Variants in DIS3L2 observed in about 807,000 individuals in gnomAD.
DIS3L2 encodes DIS3 like 3'-5' exoribonuclease 2, also known as DIS3-like exonuclease 2.
A neutral mutation model predicts 97.5 loss-of-function variants in DIS3L2; 34 were observed. The ratio of observed to expected loss-of-function variants is 0.35; its 90% CI spans 0.27 to 0.46. The LOEUF (loss-of-function observed/expected upper bound fraction) is 0.46. DIS3L2 is among the 20% of genes least tolerant of loss of function. The probability of loss-of-function intolerance (pLI) is 1.00; values close to 1 mark genes in which losing one functional copy is unlikely to be tolerated. For synonymous variants in DIS3L2, 435 were observed against 445.2 expected (o/e 0.98, Z 0.29); for missense variants, 1,038 against 1,146.0 (o/e 0.91, Z 1.36).
chr2:231,986,662 A>T (rs1273861265), intron 1 of DIS3L2, among the ~76,000 whole-genome samples: 1 of 152,208 alleles, frequency 6.6e-6, no homozygotes, highest in Non-Finnish European at 1.5e-5. Context: ...AGAAGCTTTT[A>T]TTATTATCGC....
intron 1 of DIS3L2, among the ~76,000 whole-genome samples, chr2:231,988,640 G>A (rs183468810): frequency 2.4e-4 from 36 of 152,282 alleles, no homozygotes; most frequent in Non-Finnish European, 4.7e-4. Context: ...TGGATCTTGT[G>A]TGTAGGCAGG....
chr2:232,307,071 A>G (rs1416009535), intron 14 of DIS3L2, among the ~76,000 whole-genome samples: 1 of 152,216 alleles, frequency 6.6e-6, no homozygotes, highest in African/African-American at 2.4e-5. Context: ...GCTGGGTCAG[A>G]TGTGCCTTCC....
At chr2:232,118,340 A>T (rs3116165) in intron 6 of DIS3L2, among the ~76,000 whole-genome samples, 1 of 152,030 alleles carries the variant, frequency 6.6e-6, no homozygotes, top group East Asian at 1.9e-4. Flanking sequence ...ATTGGGGACC[A>T]TAGTAGAGTC....
chr2:232,182,975 C>G (rs1405515399), intron 9 of DIS3L2, among the ~76,000 whole-genome samples: 2 of 152,132 alleles, frequency 1.3e-5, no homozygotes, highest in Non-Finnish European at 2.9e-5. Context: ...TCTGTGTTCC[C>G]TCTAAGTTCG....
At chr2:231,994,238 G>T (rs1203164036) in intron 1 of DIS3L2, among the ~76,000 whole-genome samples, 1 of 151,924 alleles carries the variant, frequency 6.6e-6, no homozygotes, top group Non-Finnish European at 1.5e-5. Flanking sequence ...TGTTCCATTG[G>T]TCTAGGTGGC....
intron 6 of DIS3L2, among the ~76,000 whole-genome samples, chr2:232,116,384 C>T (rs934466873): frequency 4.6e-5 from 7 of 152,046 alleles, no homozygotes; most frequent in African/African-American, 7.3e-5. Context: ...GTGTTTTACC[C>T]GTGTCTTTAA....
At chr2:232,075,883 A>G (rs1431776199) in intron 5 of DIS3L2, among the ~76,000 whole-genome samples, 1 of 152,110 alleles carries the variant, frequency 6.6e-6, no homozygotes, top group Admixed American at 6.5e-5. Flanking sequence ...AGAGTTTTTC[A>G]TTTATTATCT....
At chr2:232,115,633 G>A (rs540497448) in intron 6 of DIS3L2, among the ~76,000 whole-genome samples, 158 of 152,190 alleles carry the variant, frequency 1.0e-3, no homozygotes, top group African/African-American at 3.6e-3. Flanking sequence ...TCATGGGGGC[G>A]GTTTCCCCCA....
At chr2:232,337,214 C>CCTGACGAATGTGACTGTGT (rs58172662), downstream of DIS3L2, 21 of 988,102 alleles carry the variant, frequency 2.1e-5, no homozygotes, top group East Asian at 1.1e-4. Context: ...CCCCCATCAC[C>CCTGACGAATGTGACTGTGT]CTGACGAATG....
At chr2:232,067,664 G>C (rs1024000441) in intron 5 of DIS3L2, among the ~76,000 whole-genome samples, 2 of 152,116 alleles carry the variant, frequency 1.3e-5, no homozygotes, top group Admixed American at 1.3e-4. Context: ...ATTGTTCAGG[G>C]CTTCTGTTTC....
At chr2:232,042,488 G>T (rs376172769) in intron 5 of DIS3L2, among the ~76,000 whole-genome samples, 1 of 152,278 alleles carries the variant, frequency 6.6e-6, no homozygotes, top group East Asian at 1.9e-4. Context: ...ACTCAGTGAT[G>T]GGAGGGCAAG....
chr2:232,282,711 CCT>C (rs1239733433), intron 13 of DIS3L2, among the ~76,000 whole-genome samples: 1 of 152,210 alleles, frequency 6.6e-6, no homozygotes, highest in African/African-American at 2.4e-5. Flanking sequence ...CTGACCCCTG[CCT>C]CTCTTTCGCA....
rs1010824190 is a variant in DIS3L2 at position 231,991,688 on chromosome 2, G to A, written c.-93-23147G>A. On this transcript the variant is annotated intron_variant, in intron 1 of 20. Coordinates refer to ENST00000325385, the MANE Select transcript of DIS3L2 (RefSeq NM_152383.5). ...TTGCCAAACTGTGCCTGTAATTCCTGATGTGACATTAGGCCGTAATAAATT... is the reference window on the plus strand; with the variant it reads ...TTGCCAAACTGTGCCTGTAATTCCTAATGTGACATTAGGCCGTAATAAATT... Among the ~76,000 whole-genome samples the A allele has an allele frequency of 4.0e-4, 61 of 152,310 alleles. 1 individual carries two copies. The highest frequency in any genetic ancestry group is 1.4e-3 in the African/African-American group (59 of 41,568).
At chr2:232,302,558 T>TC (rs1694884066) in intron 14 of DIS3L2, among the ~76,000 whole-genome samples, 1 of 94,664 alleles carries the variant, frequency 1.1e-5, no homozygotes, top group East Asian at 7.6e-4. Context: ...TTCTTCTTCT[T>TC]TTTTTTTTTT....
intron 13 of DIS3L2, among the ~76,000 whole-genome samples, chr2:232,280,344 A>G (rs1196427263): frequency 6.6e-6 from 1 of 152,206 alleles, no homozygotes; most frequent in Admixed American, 6.5e-5. Flanking sequence ...ATTTGGCATC[A>G]AACTGAAGAT....
At chr2:232,270,349 C>T (rs1693954968) in intron 13 of DIS3L2, among the ~76,000 whole-genome samples, 1 of 152,098 alleles carries the variant, frequency 6.6e-6, no homozygotes, top group Non-Finnish European at 1.5e-5. Flanking sequence ...TGTGCATTTG[C>T]CCCTTATCAC....
At position 232,032,145 on chromosome 2, in the gene DIS3L2, A is replaced by G. The variant is rs954642120; in HGVS notation, c.366+2065A>G. ...CTGCCAACAGTGTAAAAGCATTTCT[A>G]TTTCTCCATATCCTCTCCAGCATCG... On this transcript the variant is annotated intron_variant, in intron 5 of 20. Transcript: ENST00000325385. 1.5e-4 allele frequency among the ~76,000 whole-genome samples: 23 copies of G among 152,078 alleles called. 1 individual carries two copies. Among genetic ancestry groups the G allele is most frequent in the Admixed American group, 1.0e-3 (16 of 15,274 alleles).
intron 8 of DIS3L2, among the ~76,000 whole-genome samples, chr2:232,155,867 G>A (rs1436117504): frequency 6.6e-6 from 1 of 151,732 alleles, no homozygotes; most frequent in African/African-American, 2.4e-5. Flanking sequence ...GCGGGTGCCT[G>A]TAGTCCCAGC....
chr2:232,302,142 G>A (rs1694872414), intron 14 of DIS3L2, among the ~76,000 whole-genome samples: 1 of 148,286 alleles, frequency 6.7e-6, no homozygotes, highest in Admixed American at 7.0e-5. Flanking sequence ...ATCTAGAAAA[G>A]TATGGTGATC....
Sources: gnomAD v4.1 joint callset for allele counts (sites outside exome capture counted in the v4.1 genomes callset) on GRCh38, gnomAD v4.1.1 for gene constraint, MANE v1.5 for transcripts, NCBI Gene and HGNC (gene_info 2026-07-23, HGNC 2026-07-21) for gene names.